Variants in ABLIM1 observed in about 807,000 individuals in gnomAD.
ABLIM1 encodes actin-binding LIM protein 1.
In ABLIM1, 40 loss-of-function variants were observed where a neutral mutation model predicts 107.0. The ratio of observed to expected loss-of-function variants is 0.37; its 90% CI spans 0.29 to 0.49. ABLIM1 has a LOEUF of 0.49. Ranked by LOEUF, ABLIM1 falls within the 20% of genes least tolerant of loss-of-function variation. The pLI is 0.97. For synonymous variants in ABLIM1, 357 were observed against 357.3 expected, an observed-to-expected ratio of 1.00 and a Z score of 0.01; for missense variants, 857 against 1,008.5, an observed-to-expected ratio of 0.85 and a Z score of 2.04.
chr10:114,472,424 T>A (rs2066767035), intron 10 of ABLIM1, among the ~76,000 whole-genome samples: 1 of 152,128 alleles, frequency 6.6e-6, no homozygotes, highest in South Asian at 2.1e-4. Context: ...TGTCACATGG[T>A]CAAAGTCAAA....
intron 1 of ABLIM1, among the ~76,000 whole-genome samples, chr10:114,645,657 A>G (rs1242305885): frequency 3.9e-5 from 6 of 152,346 alleles, no homozygotes; most frequent in African/African-American, 1.4e-4. Flanking sequence ...AAGAAAATCA[A>G]TCATTAATTG....
chr10:114,580,797 C>T (rs780931662), intron 2 of ABLIM1, among the ~76,000 whole-genome samples: 5 of 152,098 alleles, frequency 3.3e-5, no homozygotes, highest in Admixed American at 6.5e-5. Flanking sequence ...TGATCACAAA[C>T]ATCTCAATTA....
intron 1 of ABLIM1, among the ~76,000 whole-genome samples, chr10:114,636,167 A>G (rs935857297): frequency 3.3e-5 from 5 of 152,184 alleles, no homozygotes; most frequent in Non-Finnish European, 7.3e-5. Context: ...TTCCAGGAAG[A>G]GTAAGGAGGT....
chr10:114,651,422 T>C (rs1311103378), intron 1 of ABLIM1, among the ~76,000 whole-genome samples: 1 of 152,118 alleles, frequency 6.6e-6, no homozygotes, highest in Non-Finnish European at 1.5e-5. Flanking sequence ...AGGAAAAGCT[T>C]AACCTGCAGC....
At chr10:114,468,968 C>T (rs533128367) in intron 10 of ABLIM1, among the ~76,000 whole-genome samples, 11 of 146,328 alleles carry the variant, frequency 7.5e-5, no homozygotes, top group Admixed American at 3.6e-4. Context: ...AGGAGAATGG[C>T]GTGAACCCGG....
intron 6 of ABLIM1, among the ~76,000 whole-genome samples, chr10:114,525,937 T>G (rs1287785714): frequency 6.6e-6 from 1 of 152,130 alleles, no homozygotes; most frequent in Non-Finnish European, 1.5e-5. Flanking sequence ...TTTAAAACAC[T>G]TTCCCCCCAA....
At chr10:114,632,518 A>T (rs998808640) in intron 1 of ABLIM1, 30 of 985,434 alleles carry the variant, frequency 3.0e-5, no homozygotes, top group Admixed American at 6.1e-5. Context: ...AATGATGCTA[A>T]TGGCAATTTC....
chr10:114,555,854 T>TA (rs796828190), intron 4 of ABLIM1, among the ~76,000 whole-genome samples: 20 of 150,450 alleles, frequency 1.3e-4, no homozygotes, highest in South Asian at 8.4e-4. Context: ...CAATAGATCT[T>TA]AAAAAAAAAC....
intron 1 of ABLIM1, among the ~76,000 whole-genome samples, chr10:114,664,982 G>T: frequency 6.6e-6 from 1 of 151,958 alleles, no homozygotes; most frequent in Non-Finnish European, 1.5e-5. Context: ...GCCGGGTGCG[G>T]TGGCAGGTGC....
intron 1 of ABLIM1, among the ~76,000 whole-genome samples, chr10:114,644,354 A>ATATATG (rs1193367555): frequency 2.2e-5 from 3 of 136,822 alleles, no homozygotes; most frequent in African/African-American, 8.9e-5. Flanking sequence ...ATATATACAT[A>ATATATG]TATATATACA....
chr10:114,742,386 T>C (rs2142304637), intron 1 of ABLIM1, among the ~76,000 whole-genome samples: 1 of 152,256 alleles, frequency 6.6e-6, no homozygotes, highest in African/African-American at 2.4e-5. Context: ...ATACTCCATC[T>C]ACAAAAAAAG....
chr10:114,539,185 C>T (rs2066360309), intron 6 of ABLIM1, among the ~76,000 whole-genome samples: 1 of 152,162 alleles, frequency 6.6e-6, no homozygotes, highest in African/African-American at 2.4e-5. Flanking sequence ...TGGTGAAACC[C>T]CATCTCTACT....
upstream of ABLIM1, among the ~76,000 whole-genome samples, chr10:114,768,247 G>A (rs1437420141): frequency 1.4e-5 from 2 of 147,582 alleles, no homozygotes; most frequent in Non-Finnish European, 3.0e-5. Flanking sequence ...GACGGGCGGG[G>A]ACGCAGCGGC....
intron 10 of ABLIM1, among the ~76,000 whole-genome samples, chr10:114,471,731 C>T (rs747980196): frequency 6.6e-6 from 1 of 151,928 alleles, no homozygotes; most frequent in Non-Finnish European, 1.5e-5. Flanking sequence ...GAATTGAGAA[C>T]AATTAAACAG....
intron 6 of ABLIM1, among the ~76,000 whole-genome samples, chr10:114,494,358 C>T (rs966979748): frequency 6.6e-6 from 1 of 152,162 alleles, no homozygotes; most frequent in African/African-American, 2.4e-5. Flanking sequence ...AACAGTAAGA[C>T]CTTGTCTTTA....
chr10:114,708,041 G>A (rs1358711439), intron 1 of ABLIM1, among the ~76,000 whole-genome samples: 2 of 152,110 alleles, frequency 1.3e-5, no homozygotes, highest in African/African-American at 2.4e-5. Flanking sequence ...TTTACATGTG[G>A]TGCTGCAGAC....
intron 1 of ABLIM1, among the ~76,000 whole-genome samples, chr10:114,713,740 C>T (rs1406866459): frequency 6.6e-6 from 1 of 152,182 alleles, no homozygotes; most frequent in Non-Finnish European, 1.5e-5. Context: ...AAGAACACTT[C>T]ACTCCTTTCG....
At chr10:114,750,755 T>C (rs1022800418) in intron 1 of ABLIM1, among the ~76,000 whole-genome samples, 1 of 152,202 alleles carries the variant, frequency 6.6e-6, no homozygotes, top group Admixed American at 6.5e-5. Context: ...AAAGTCTTAT[T>C]TTATAGATTT....
chr10:114,519,910 G>A (rs2063481203), intron 6 of ABLIM1, among the ~76,000 whole-genome samples: 1 of 152,254 alleles, frequency 6.6e-6, no homozygotes, highest in Non-Finnish European at 1.5e-5. Context: ...AAACCTGGGT[G>A]AAACTGGATT....
Sources: gnomAD v4.1 joint callset for allele counts (sites outside exome capture counted in the v4.1 genomes callset) on GRCh38, gnomAD v4.1.1 for gene constraint, MANE v1.5 for transcripts, NCBI Gene and HGNC (gene_info 2026-07-23, HGNC 2026-07-21) for gene names.